The following AFM variants were observed in gnomAD, a reference collection of about 807,000 sequenced individuals.
AFM encodes the protein alpha-Alb.
In AFM, 82 loss-of-function variants were observed where a neutral mutation model predicts 68.7. The observed-to-expected ratio is 1.19, with a 90% confidence interval of 1.00 to 1.43. The LOEUF (loss-of-function observed/expected upper bound fraction) is 1.43, where lower values mean the gene tolerates loss of function less well. Among genes scored for constraint, AFM ranks in the 40% most tolerant of loss-of-function variants. The pLI is 0.00. For synonymous variants in AFM, 250 were observed against 234.2 expected, an observed-to-expected ratio of 1.07 and a Z score of -0.61; for missense variants, 772 against 701.8, an observed-to-expected ratio of 1.10 and a Z score of -1.13.
At chr4:73,489,842 G>A (rs958464692) in intron 7 of AFM, among the ~76,000 whole-genome samples, 1 of 152,166 alleles carries the variant, frequency 6.6e-6, no homozygotes, top group Non-Finnish European at 1.5e-5. Flanking sequence ...GGTGCTGAAA[G>A]GAGAGCATCA....
chr4:73,501,982 A>C, intron 13 of AFM, 63 bp downstream of exon 13: 1 of 1,569,050 alleles, frequency 6.4e-7, no homozygotes, highest in Non-Finnish European at 8.7e-7. Context: ...AATAAAACAG[A>C]ACCCTGCAGG....
chr4:73,487,699 A>C (rs749242088), intron 5 of AFM, 25 bp from the exon 6 acceptor site: 1 of 1,487,292 alleles, frequency 6.7e-7, no homozygotes, highest in Non-Finnish European at 9.3e-7. Flanking sequence ...TATTGTTTCA[A>C]AAGAATTTTC....
At chr4:73,484,470 C>CTT (rs1348564872) in intron 3 of AFM, 80 bp downstream of exon 3, 11 of 551,450 alleles carry the variant, frequency 2.0e-5, no homozygotes, top group Admixed American at 1.6e-4. Context: ...TTCTTTCTTT[C>CTT]TTTCTTTCTT....
chr4:73,496,817 A>G (rs1325652678), intron 9 of AFM, among the ~76,000 whole-genome samples: 1 of 152,144 alleles, frequency 6.6e-6, no homozygotes, highest in Non-Finnish European at 1.5e-5. Context: ...CATATTAGAG[A>G]AATTAATAAT....
chr4:73,491,911 A>G lies in AFM; in HGVS notation c.883A>G (p.Ile295Val), dbSNP rs758399048. ...CCATATTTGTTCAAAACAAGATTCT[A>G]TCTCCAGCAAAATCAAAGAGTGCTG... ...MNHICSKQDS[I>V]SSKIKECCEK... The change falls in exon 8 of 15, where the codon ATC (isoleucine) becomes GTC (valine). Residue 295 changes from isoleucine (I) to valine (V), a missense_variant. By Grantham distance (29) the Ile-to-Val change is conservative. Transcript: ENST00000226355. The G allele has an allele frequency of 6.2e-7, 1 of 1,614,032 alleles. No individual in the cohort carries two copies. Among genetic ancestry groups the G allele is most frequent in the South Asian group, 1.1e-5 (1 of 91,056 alleles).
intron 14 of AFM, 109 bp downstream of exon 14, chr4:73,503,219 A>C (rs1464271902): frequency 2.4e-6 from 2 of 840,166 alleles, no homozygotes; most frequent in African/African-American, 3.4e-5. Context: ...TCCTACATGA[A>C]CAAGAAATGC....
chr4:73,495,104 C>T (rs1013757832), intron 8 of AFM, 196 bp from the exon 9 acceptor site: 10 of 401,164 alleles, frequency 2.5e-5, no homozygotes, highest in African/African-American at 6.2e-5. Flanking sequence ...TAATCTAAAA[C>T]GTACCATGGA....
chr4:73,486,090 T>C lies in AFM; in HGVS notation c.482+17T>C. ...TTTAAATCAGTAAGTTTAATCTTAG[T>C]AAAAAATGATCCAGTTGAAGAATTA... On this transcript the variant is annotated intron_variant, in intron 4 of 14. Transcript: ENST00000226355. The C allele has an allele frequency of 1.9e-6, 3 of 1,590,676 alleles. No homozygotes were observed. Among genetic ancestry groups the C allele is most frequent in the Non-Finnish European group, 2.6e-6 (3 of 1,160,384 alleles).
At chr4:73,485,697 G>A (rs1478743982) in intron 3 of AFM, among the ~76,000 whole-genome samples, 165 bp from the exon 4 acceptor site, 1 of 142,214 alleles carries the variant, frequency 7.0e-6, no homozygotes, top group African/African-American at 2.6e-5. Context: ...AAGGAGGGGG[G>A]GAAGGGAAGG....
chr4:73,495,725 A>G (rs556872356), intron 9 of AFM, among the ~76,000 whole-genome samples: 14 of 152,292 alleles, frequency 9.2e-5, no homozygotes, highest in Admixed American at 3.3e-4. Context: ...GCCGTATTGG[A>G]TATTACATGA....
chr4:73,484,338 A>G lies in AFM; in HGVS notation c.218A>G (p.Tyr73Cys), dbSNP rs1392729922. The G allele has an allele frequency of 6.2e-7, 1 of 1,613,182 alleles. No individual in the cohort carries two copies. Residue 73 changes from tyrosine to cysteine, a missense_variant, in exon 3 of 15, where the codon TAC becomes TGC. Physicochemically the swap from Tyr to Cys is radical, Grantham distance 194. Transcript: ENST00000226355. ...AAGCTGGTGAAAGACATGGTAGAAT[A>G]CAAAGACAGATGTATGGCTGACAAG... is the stretch of plus-strand genomic sequence containing the variant. ...MEKLVKDMVE[Y>C]KDRCMADKTL...
At chr4:73,483,919 C>A in intron 1 of AFM, 22 bp from the exon 2 acceptor site, 1 of 1,502,976 alleles carries the variant, frequency 6.7e-7, no homozygotes, top group Non-Finnish European at 9.1e-7. Flanking sequence ...TATGTAATAA[C>A]CTAAATATTC....
intron 4 of AFM, among the ~76,000 whole-genome samples, chr4:73,486,471 C>A (rs1390171197): frequency 1.3e-5 from 2 of 152,152 alleles, no homozygotes; most frequent in Non-Finnish European, 2.9e-5. Flanking sequence ...GCTGTCATTG[C>A]AGAAACAGAC....
intron 13 of AFM, among the ~76,000 whole-genome samples, chr4:73,502,360 G>A (rs182737978): frequency 6.6e-6 from 1 of 152,252 alleles, no homozygotes; most frequent in African/African-American, 2.4e-5. Flanking sequence ...AGTCTTTCAG[G>A]AGTGGCTGTC....
chr4:73,493,124 G>T (rs1171606957), intron 8 of AFM, among the ~76,000 whole-genome samples: 1 of 152,134 alleles, frequency 6.6e-6, no homozygotes, highest in African/African-American at 2.4e-5. Context: ...ATGAATTGAA[G>T]TTTATAATGG....
rs1479551160 is a variant in AFM, at chr4:73,497,745, T to C, written c.1285T>C (p.Tyr429His). Residue 429 changes from tyrosine to histidine, a missense_variant, in exon 10 of 15, where the codon TAC becomes CAC. Physicochemically the swap from Tyr to His is moderately conservative, Grantham distance 83. Transcript: ENST00000226355. Reference sequence around the variant, plus strand: ...GAATTTGGGGAAGGATGGTTTGAAATACCAGTATGTTGTTTGCACAAGTGG... The same window carrying C: ...GAATTTGGGGAAGGATGGTTTGAAACACCAGTATGTTGTTTGCACAAGTGG... ...FQNLGKDGLK[Y>H]HYLIRLTKIA... 1.9e-6 allele frequency: 3 copies of C among 1,585,340 alleles called. No homozygotes were observed. The highest frequency in any genetic ancestry group is 2.6e-6 in the Non-Finnish European group (3 of 1,158,688).
chr4:73,484,506 CA>C lies in AFM; in HGVS notation c.270+117del, dbSNP rs1159938990. On this transcript the variant is annotated intron_variant, in intron 3 of 14. Transcript: ENST00000226355. ...TCTTTCTTTCTTTCTTTCTTTCTTTCATTCTTTCTTTCTTCTTTCTTTCTTT... is the reference window on the plus strand; with the variant it reads ...TCTTTCTTTCTTTCTTTCTTTCTTTCTTCTTTCTTTCTTCTTTCTTTCTTT... 93 of 699,758 alleles carry C rather than the reference CA, an allele frequency of 1.3e-4. No individual in the cohort carries two copies. The African/African-American group carries it at 2.3e-3, about 18-fold the overall frequency. The allele number at this position is 699,758 out of a possible 1,614,324, so 43.3% of individuals were successfully genotyped here.
intron 11 of AFM, among the ~76,000 whole-genome samples, chr4:73,499,600 T>C (rs1485184284): frequency 6.6e-5 from 10 of 152,142 alleles, no homozygotes; most frequent in African/African-American, 2.2e-4. Flanking sequence ...GCCCCATTGC[T>C]TCATCCAGCA....
chr4:73,499,991 CTTG>C lies in AFM; in HGVS notation c.1423-9_1423-7del, dbSNP rs1560414481. On this transcript the variant is annotated splice_polypyrimidine_tract_variant and intron_variant, in intron 11 of 14. Coordinates refer to ENST00000226355, the MANE Select transcript of AFM (RefSeq NM_001133.2). ...TTAAGATCGTATCTCAGTTGCAACT[CTTG>C]TTGGTACAGGCAGATTTAGTTTTTG... The C allele has an allele frequency of 1.2e-6, 2 of 1,609,620 alleles. No individual in the cohort carries two copies. The highest frequency in any genetic ancestry group is 1.7e-6 in the Non-Finnish European group (2 of 1,176,558).
Sources: gnomAD v4.1 joint callset for allele counts (sites outside exome capture counted in the v4.1 genomes callset) on GRCh38, gnomAD v4.1.1 for gene constraint, MANE v1.5 for transcripts, NCBI Gene and HGNC (gene_info 2026-07-23, HGNC 2026-07-21) for gene names.